PIK3CD: variants seen among roughly 807,000 people sequenced by gnomAD.
PIK3CD encodes the protein phosphatidylinositol-4,5-bisphosphate 3-kinase catalytic subunit delta, also known as phosphatidylinositol 4,5-bisphosphate 3-kinase catalytic subunit delta isoform.
In PIK3CD, 20 loss-of-function variants were observed where a neutral mutation model predicts 122.9. That is an observed-to-expected ratio of 0.16 (90% confidence interval 0.11 to 0.24). PIK3CD has a LOEUF of 0.24. Among genes scored for constraint, PIK3CD ranks in the 10% least tolerant of loss-of-function variants. The pLI is 1.00. For synonymous variants in PIK3CD, 596 were observed against 593.4 expected (o/e 1.00, Z -0.06); for missense variants, 787 against 1,406.3 (o/e 0.56, Z 7.04).
rs182850780 is a variant in PIK3CD, at chr1:9,665,975, G to C, written c.-138+14173G>C. On this transcript the variant is annotated intron_variant, in intron 1 of 23. Coordinates refer to ENST00000377346, the MANE Select transcript of PIK3CD (RefSeq NM_005026.5). ...AGAGTTTTGCTCTTTTGCCCAGGCTGGAGTGCAATGGCACAATCTTGGCTC... is the reference window on the plus strand; with the variant it reads ...AGAGTTTTGCTCTTTTGCCCAGGCTCGAGTGCAATGGCACAATCTTGGCTC... Among the ~76,000 whole-genome samples the C allele has an allele frequency of 6.2e-3, 938 of 152,232 alleles. 17 individuals carry two copies. The highest frequency in any genetic ancestry group is 3.9e-3 in the Non-Finnish European group (264 of 68,026).
At chr1:9,682,530 G>A (rs569917348) in intron 1 of PIK3CD, among the ~76,000 whole-genome samples, 3 of 148,982 alleles carry the variant, frequency 2.0e-5, no homozygotes, top group South Asian at 2.1e-4. Flanking sequence ...CAGCCACCAC[G>A]TCTGGCCTGG....
intron 5 of PIK3CD, 173 bp from the exon 6 acceptor site, chr1:9,716,267 A>G (rs1647417192): frequency 4.9e-6 from 4 of 814,284 alleles, no homozygotes; most frequent in Admixed American, 4.2e-5. Context: ...CAGGATAACC[A>G]AGTGGCGTGG....
Position 9,700,199 on chromosome 1 carries a change from C to T in PIK3CD, c.-33+8628C>T, listed in dbSNP as rs997720768. The stretch of plus-strand genomic sequence containing the variant: ...AGGCTGGAATGCAGTGGTGTGATCT[C>T]GGCTCATTGCAGCCTCCCCCTCGCA... On this transcript the variant is annotated intron_variant, in intron 2 of 23. Coordinates refer to ENST00000377346, the MANE Select transcript of PIK3CD (RefSeq NM_005026.5). This position sits in a 1 kb window ranked among gnomAD's most constrained non-coding sequence, Gnocchi z 5.1. Among the ~76,000 whole-genome samples, 3 of 151,086 alleles carry T rather than the reference C, an allele frequency of 2.0e-5. No individual in the cohort carries two copies. The highest frequency in any genetic ancestry group is 2.1e-4 in the South Asian group (1 of 4,768).
chr1:9,699,019 C>A (rs1183413883), intron 2 of PIK3CD, among the ~76,000 whole-genome samples: 3 of 151,896 alleles, frequency 2.0e-5, no homozygotes, highest in Non-Finnish European at 2.9e-5. Context: ...GAGGTCCCGC[C>A]CCCTACAAAA....
In PIK3CD at chr1:9,720,988, A is replaced by AACCCCC; in HGVS notation, c.1689+84_1689+89dup. On this transcript the variant is annotated intron_variant, in intron 13 of 23. Transcript: ENST00000377346. The surrounding 1 kb of genome is among the most constrained non-coding windows in gnomAD (Gnocchi z 9.0). Reference sequence around the variant, plus strand: ...GCTACCCACCACCCTGACCCCGGCCAACCCCCACCCTCACCCTGGCCAACC... The same window carrying AACCCCC: ...GCTACCCACCACCCTGACCCCGGCCAACCCCCACCCCCACCCTCACCCTGGCCAACC... 1 of 1,170,388 alleles carries AACCCCC rather than the reference A, an allele frequency of 8.5e-7. No individual in the cohort carries two copies. The highest frequency in any genetic ancestry group is 1.2e-6 in the Non-Finnish European group (1 of 866,208). The allele number at this position is 1,170,388 out of a possible 1,614,324, so 72.5% of individuals were successfully genotyped here.
chr1:9,698,462 C>T (rs756889518), intron 2 of PIK3CD, among the ~76,000 whole-genome samples: 3 of 152,184 alleles, frequency 2.0e-5, no homozygotes, highest in Non-Finnish European at 2.9e-5. Context: ...TTCTAAAATG[C>T]TTTATCAACA....
Position 9,691,482 on chromosome 1 carries a change from A to AG in PIK3CD, c.-119dup. On this transcript the variant is annotated 5_prime_UTR_variant, in exon 2 of 24. Coordinates refer to ENST00000377346, the MANE Select transcript of PIK3CD (RefSeq NM_005026.5). ...TCCCCAACAGATAAGGAGTCAGGCC[A>AG]GGGCGGGATGACACTCATTGATTCT... The AG allele has an allele frequency of 2.5e-6, 1 of 398,608 alleles. No homozygotes were observed. Among genetic ancestry groups the AG allele is most frequent in the Non-Finnish European group, 4.4e-6 (1 of 226,080 alleles). The allele number at this position is 398,608 out of a possible 1,614,324, so 24.7% of individuals were successfully genotyped here.
In PIK3CD at chr1:9,719,991, G is replaced by C; in HGVS notation, c.1313G>C (p.Cys438Ser). 2 of 1,613,722 alleles carry C rather than the reference G, an allele frequency of 1.2e-6. No homozygotes were observed. Among genetic ancestry groups the C allele is most frequent in the Non-Finnish European group, 1.7e-6 (2 of 1,180,022 alleles). ...GACCAGCTTAAGACCGGGGAACGCT[G>C]CCTCTACATGTGGCCCTCCGTCCCA... The part of the protein sequence containing the change: ...YKDQLKTGER[C>S]LYMWPSVPDE... Residue 438 changes from cysteine to serine, a missense_variant, in exon 10 of 24, where the codon TGC (cysteine) becomes TCC (serine). Around this residue, in one of 6 missense-constraint regions of PIK3CD, gnomAD observed 592 missense variants for 920.6 expected, o/e 0.64. Transcript: ENST00000377346. This position sits in a 1 kb window ranked among gnomAD's most constrained non-coding sequence, Gnocchi z 5.5.
Position 9,715,912 on chromosome 1 carries a change from A to G in PIK3CD, c.434A>G (p.Gln145Arg). 1.2e-6 allele frequency: 2 copies of G among 1,607,282 alleles called. No individual in the cohort carries two copies. The highest frequency in any genetic ancestry group is 2.7e-5 in the African/African-American group (2 of 74,636). The change falls in exon 5 of 24, where the codon CAA (glutamine) becomes CGA (arginine). Residue 145 changes from glutamine (Q) to arginine (R), a missense_variant. By Grantham distance (43) the Gln-to-Arg change is conservative (BLOSUM62 1). Coordinates refer to ENST00000377346, the MANE Select transcript of PIK3CD (RefSeq NM_005026.5). This position sits in a 1 kb window ranked among gnomAD's most constrained non-coding sequence, Gnocchi z 4.1. Reference sequence around the variant, plus strand: ...AACGACTTTCGCGCCAAGATGTGCCAATTCTGCGAGGAGGCGGCCGCCCGC... The same window carrying G: ...AACGACTTTCGCGCCAAGATGTGCCGATTCTGCGAGGAGGCGGCCGCCCGC... ...EVNDFRAKMC[Q>R]FCEEAAARRQ...
rs1459837147 is a variant in PIK3CD at position 9,723,179 on chromosome 1, G to A, written c.2481G>A (p.Val827=). ...GGGACCGCACAGGCCTCATTGAGGT[G>A]GTACTCCGTTCAGACACCATCGCCA... ...PTGDRTGLIE[V]VLRSDTIANI... Residue 827 remains valine (V), a synonymous_variant, in exon 20 of 24, where the codon GTG becomes GTA. Transcript: ENST00000377346. This position sits in a 1 kb window ranked among gnomAD's most constrained non-coding sequence, Gnocchi z 4.9. 3.7e-6 allele frequency: 6 copies of A among 1,613,666 alleles called. No homozygotes were observed. The East Asian group carries it at 8.9e-5, about 24-fold the overall frequency.
chr1:9,699,187 G>A (rs1441072828), intron 2 of PIK3CD, among the ~76,000 whole-genome samples: 1 of 152,034 alleles, frequency 6.6e-6, no homozygotes, highest in Non-Finnish European at 1.5e-5. Flanking sequence ...TCCAGCCAGG[G>A]CGATAGAATG....
At chr1:9,654,493 C>T (rs1644783869) in intron 1 of PIK3CD, 1 of 1,131,284 alleles carries the variant, frequency 8.8e-7, no homozygotes. Flanking sequence ...CGAAAGCCAG[C>T]CCGCTTTCGC....
Position 9,723,217 on chromosome 1 carries a change from A to T in PIK3CD, c.2519A>T (p.Asn840Ile). Residue 840 changes from asparagine to isoleucine, a missense_variant, in exon 20 of 24, where the codon AAC (asparagine) becomes ATC (isoleucine). By Grantham distance (149) the Asn-to-Ile change is moderately radical. Transcript: ENST00000377346. This position sits in a 1 kb window ranked among gnomAD's most constrained non-coding sequence, Gnocchi z 4.9. The stretch of plus-strand genomic sequence containing the variant: ...GACACCATCGCCAACATCCAACTCA[A>T]CAAGAGCAACATGGCAGCCACAGCC... ...RSDTIANIQL[N>I]KSNMAATAAF... 6.2e-7 allele frequency: 1 copy of T among 1,613,828 alleles called. No individual in the cohort carries two copies. The highest frequency in any genetic ancestry group is 8.5e-7 in the Non-Finnish European group (1 of 1,180,016).
chr1:9,701,200 C>G (rs935052267), intron 2 of PIK3CD, among the ~76,000 whole-genome samples: 1 of 152,058 alleles, frequency 6.6e-6, no homozygotes, highest in Non-Finnish European at 1.5e-5. Context: ...TTGCTCATGC[C>G]ACACCCTCCC....
intron 1 of PIK3CD, among the ~76,000 whole-genome samples, chr1:9,690,598 C>T (rs1176914380): frequency 6.6e-6 from 1 of 152,172 alleles, no homozygotes; most frequent in African/African-American, 2.4e-5. Flanking sequence ...CATCCGAGCC[C>T]GCATGCCTGG....
chr1:9,698,046 G>A (rs189033396), intron 2 of PIK3CD, among the ~76,000 whole-genome samples: 9 of 151,622 alleles, frequency 5.9e-5, no homozygotes, highest in East Asian at 1.9e-4. Flanking sequence ...AGAAGAAGAA[G>A]AAAAAAGAAA....
chr1:9,682,573 G>T (rs552226555), intron 1 of PIK3CD, among the ~76,000 whole-genome samples: 3 of 151,766 alleles, frequency 2.0e-5, no homozygotes, highest in African/African-American at 4.8e-5. Context: ...ACGGAGTCTC[G>T]CTGTCTCACT....
the PIK3CD span, among the ~76,000 whole-genome samples, chr1:9,642,122 G>A: frequency 1.4e-5 from 2 of 144,052 alleles, no homozygotes; most frequent in African/African-American, 5.3e-5. Flanking sequence ...TAATTAACTT[G>A]TTTATTTTGA....
chr1:9,703,591 A>G (rs1212853971), intron 2 of PIK3CD, among the ~76,000 whole-genome samples: 1 of 152,206 alleles, frequency 6.6e-6, no homozygotes, highest in African/African-American at 2.4e-5. Context: ...TTCTTTGTAC[A>G]GTTGGAATCA....
Sources: allele counts gnomAD v4.1 joint callset (sites outside exome capture counted in the v4.1 genomes callset), GRCh38; gene constraint gnomAD v4.1.1; regional missense constraint gnomAD v4.1.1; non-coding constraint Gnocchi (gnomAD v3.1); transcripts MANE v1.5; gene names NCBI Gene and HGNC (gene_info 2026-07-23, HGNC 2026-07-21).